SLAIN1: variants seen among roughly 807,000 people sequenced by gnomAD.
SLAIN1 encodes the protein SLAIN family member 1, also known as SLAIN motif-containing protein 1.
A neutral mutation model predicts 55.4 loss-of-function variants in SLAIN1; 17 were observed. That is an observed-to-expected ratio of 0.31 (90% CI 0.21 to 0.46). The LOEUF is 0.46. Ranked by LOEUF, SLAIN1 falls within the 20% of genes least tolerant of loss-of-function variation. The pLI, the probability that SLAIN1 is intolerant of heterozygous loss-of-function variation, is 1.00. For synonymous variants in SLAIN1, 348 were observed against 337.4 expected (o/e 1.03, Z -0.35); for missense variants, 682 against 785.1 (o/e 0.87, Z 1.57).
At position 77,746,456 on chromosome 13, in the gene SLAIN1, TTATAAC is replaced by T. The variant is rs1873818321; in HGVS notation, c.917-55_917-50del. The T allele has an allele frequency of 4.2e-6, 6 of 1,414,240 alleles. No individual in the cohort carries two copies. The Admixed American group carries it at 6.6e-5, about 16-fold the overall frequency. 87.6% of individuals were successfully genotyped at this position (1,414,240 alleles called of 1,614,324 possible). A position where few individuals can be genotyped will look rare whatever the true frequency, so the allele number is the denominator to read the frequency against. ...AATTTTTCATCTAATACTTGGTTAATTATAACTAAATGTTAGCTAGATCAAAATACA... is the reference window on the plus strand; with the variant it reads ...AATTTTTCATCTAATACTTGGTTAATTAAATGTTAGCTAGATCAAAATACA... On this transcript the variant is annotated intron_variant, in intron 3 of 6. Transcript: ENST00000418532.
chr13:77,718,795 C>G (rs1005483802), intron 1 of SLAIN1, among the ~76,000 whole-genome samples: 16 of 152,046 alleles, frequency 1.1e-4, no homozygotes, highest in Non-Finnish European at 1.9e-4. Flanking sequence ...CTGTATAGCC[C>G]TATCACTGAA....
chr13:77,710,423 A>G (rs1462622658), intron 1 of SLAIN1, among the ~76,000 whole-genome samples: 1 of 152,188 alleles, frequency 6.6e-6, no homozygotes, highest in Non-Finnish European at 1.5e-5. Flanking sequence ...AACAAAACAA[A>G]AAAACATGGG....
rs751239266 is a variant in SLAIN1, at chr13:77,736,700, T to C, written c.767-7583T>C. On this transcript the variant is annotated intron_variant, in intron 2 of 6. Coordinates refer to ENST00000418532, the MANE Select transcript of SLAIN1 (RefSeq NM_001242868.2). ...TCAGTGGCCTGGTTGTTCTAGCCAG[T>C]AGCCTCTTTTTAGTCCTTATCCTAC... Among the ~76,000 whole-genome samples, 12 of 152,252 alleles carry C rather than the reference T, an allele frequency of 7.9e-5. No homozygotes were observed. In the Middle Eastern group the frequency reaches 0.02, roughly 259 times the overall value.
intron 5 of SLAIN1, among the ~76,000 whole-genome samples, chr13:77,760,376 A>C (rs1053325303): frequency 2.0e-5 from 3 of 152,200 alleles, no homozygotes; most frequent in African/African-American, 7.2e-5. Flanking sequence ...TATTTAAGGA[A>C]TATATCTGTA....
In SLAIN1 at chr13:77,698,817, T is replaced by G. The variant is rs376955917; in HGVS notation, c.626+278T>G. The stretch of plus-strand genomic sequence containing the variant: ...GCCATGGGTTCTGCTATTTGCTGAT[T>G]GTTGGGTCCCAAGCTCCTCGTTAGC... On this transcript the variant is annotated intron_variant, in intron 1 of 6. Transcript: ENST00000418532. This position sits in a 1 kb window ranked among gnomAD's most constrained non-coding sequence, Gnocchi z 4.1. 59 of 1,429,578 alleles carry G rather than the reference T, an allele frequency of 4.1e-5. No homozygotes were observed. The South Asian group carries it at 7.1e-4, about 17-fold the overall frequency. 88.6% of individuals were successfully genotyped at this position (1,429,578 alleles called of 1,614,324 possible).
At chr13:77,736,540 A>AAAC (rs529220062) in intron 2 of SLAIN1, among the ~76,000 whole-genome samples, 37 of 152,072 alleles carry the variant, frequency 2.4e-4, no homozygotes, top group East Asian at 9.7e-4. Flanking sequence ...CTCTTTTTTT[A>AAAC]AACAACAACA....
intron 4 of SLAIN1, among the ~76,000 whole-genome samples, chr13:77,747,582 C>A (rs1432129282): frequency 6.6e-6 from 1 of 152,124 alleles, no homozygotes; most frequent in Non-Finnish European, 1.5e-5. Flanking sequence ...GTTCCTAGCA[C>A]AGAGTGAGGT....
chr13:77,709,016 A>G (rs944353505), intron 1 of SLAIN1, among the ~76,000 whole-genome samples: 2 of 152,036 alleles, frequency 1.3e-5, no homozygotes, highest in Admixed American at 1.3e-4. Flanking sequence ...AAGAACTTTG[A>G]AAAAAGGTTG....
rs997664410 is a variant in SLAIN1 at position 77,698,620 on chromosome 13, G to A, written c.626+81G>A. 1 of 1,320,686 alleles carries A rather than the reference G, an allele frequency of 7.6e-7. No homozygotes were observed. Among genetic ancestry groups the A allele is most frequent in the Admixed American group, 3.7e-5 (1 of 26,672 alleles). 81.8% of individuals were successfully genotyped at this position (1,320,686 alleles called of 1,614,324 possible). On this transcript the variant is annotated intron_variant, in intron 1 of 6. Transcript: ENST00000418532. This position sits in a 1 kb window ranked among gnomAD's most constrained non-coding sequence, Gnocchi z 4.1. ...CGGGGAGCGGGGGCGGGGGGCGGAC[G>A]GGGGTCCCCTCGCGGCAGCCGGGGT...
rs1391438374 is a variant in SLAIN1 at position 77,698,415 on chromosome 13, G to T, written c.502G>T (p.Gly168Cys). The stretch of plus-strand genomic sequence containing the variant: ...GGGCGGTGGCGGGCCGGAGCCGGGG[G>T]GCGCGGGGACGCCGCCAGGGGCAGC... ...GAGGGGPEPG[G>C]AGTPPGAAAA... Residue 168 changes from glycine (G) to cysteine (C), a missense_variant, in exon 1 of 7, where the codon GGC becomes TGC. By Grantham distance (159) the Gly-to-Cys change is radical. Around this residue, in one of 3 missense-constraint regions of SLAIN1, gnomAD observed 401 missense variants for 417.3 expected, o/e 0.96. Transcript: ENST00000418532. This position sits in a 1 kb window ranked among gnomAD's most constrained non-coding sequence, Gnocchi z 4.1. 5 of 1,394,982 alleles carry T rather than the reference G, an allele frequency of 3.6e-6. No individual in the cohort carries two copies. The African/African-American group carries it at 6.0e-5, about 17-fold the overall frequency. 86.4% of individuals were successfully genotyped at this position (1,394,982 alleles called of 1,614,324 possible).
At chr13:77,721,630 A>G (rs2091263183) in intron 2 of SLAIN1, among the ~76,000 whole-genome samples, 1 of 151,906 alleles carries the variant, frequency 6.6e-6, no homozygotes, top group African/African-American at 2.4e-5. Flanking sequence ...AATATTTTAG[A>G]TTTTGTGGGC....
At chr13:77,734,702 T>A (rs1014785830) in intron 2 of SLAIN1, among the ~76,000 whole-genome samples, 2 of 152,154 alleles carry the variant, frequency 1.3e-5, no homozygotes, top group African/African-American at 4.8e-5. Flanking sequence ...TTCTCCTACC[T>A]AGCTTCTAGA....
intron 5 of SLAIN1, among the ~76,000 whole-genome samples, chr13:77,755,536 G>A (rs1874537704): frequency 6.6e-6 from 1 of 152,182 alleles, no homozygotes; most frequent in Admixed American, 6.5e-5. Context: ...CCAAAATGAC[G>A]GGAAAATGTC....
Position 77,697,856 on chromosome 13 carries a change from G to A in SLAIN1, c.-58G>A. 4 of 1,263,710 alleles carry A rather than the reference G, an allele frequency of 3.2e-6. No homozygotes were observed. Among genetic ancestry groups the A allele is most frequent in the South Asian group, 2.1e-5 (1 of 47,088 alleles). The allele number at this position is 1,263,710 out of a possible 1,614,324, so 78.3% of individuals were successfully genotyped here. ...AGGAGCCGTAGCCTCCCCGTGGCCC[G>A]AGGAGCCGGCGCGGCGGCGCGCACT... On this transcript the variant is annotated 5_prime_UTR_variant, in exon 1 of 7. Coordinates refer to ENST00000418532, the MANE Select transcript of SLAIN1 (RefSeq NM_001242868.2).
chr13:77,762,859 T>C (rs1389489473), intron 6 of SLAIN1, among the ~76,000 whole-genome samples: 2 of 152,256 alleles, frequency 1.3e-5, no homozygotes, highest in Non-Finnish European at 2.9e-5. Context: ...ATTTTTCTTA[T>C]TTTAAAATAT....
At chr13:77,748,693 C>T (rs892744517) in intron 4 of SLAIN1, among the ~76,000 whole-genome samples, 3 of 152,016 alleles carry the variant, frequency 2.0e-5, no homozygotes, top group Non-Finnish European at 4.4e-5. Context: ...CTAGTTTTCA[C>T]AATACAAGAA....
intron 5 of SLAIN1, among the ~76,000 whole-genome samples, chr13:77,760,119 G>T (rs779699026): frequency 4.6e-5 from 7 of 152,126 alleles, no homozygotes; most frequent in Non-Finnish European, 1.0e-4. Flanking sequence ...GCAGAATTCT[G>T]TGCATAAGTT....
chr13:77,707,651 G>A (rs2091103999), intron 1 of SLAIN1, among the ~76,000 whole-genome samples: 1 of 152,074 alleles, frequency 6.6e-6, no homozygotes, highest in South Asian at 2.1e-4. Context: ...GCATCTCTAG[G>A]TCTTCTCTTG....
chr13:77,760,847 T>G lies in SLAIN1; in HGVS notation c.1434T>G (p.Leu478=). The G allele has an allele frequency of 2.5e-6, 4 of 1,613,796 alleles. No homozygotes were observed. The highest frequency in any genetic ancestry group is 3.4e-6 in the Non-Finnish European group (4 of 1,179,956). The part of the protein sequence containing the change: ...IQSCIPSPGQ[L]QHRVHSVGHF... ...TTCTAGTTCCATCACCGGGACAGCTTCAACACAGGGTCCACAGCGTGGGGC... is the reference window on the plus strand; with the variant it reads ...TTCTAGTTCCATCACCGGGACAGCTGCAACACAGGGTCCACAGCGTGGGGC... Residue 478 remains leucine, a synonymous_variant, in exon 6 of 7, where the codon CTT becomes CTG. Transcript: ENST00000418532.
Sources: gnomAD v4.1 joint callset for allele counts (sites outside exome capture counted in the v4.1 genomes callset) on GRCh38, gnomAD v4.1.1 for gene constraint, gnomAD v4.1.1 regional missense constraint, Gnocchi (gnomAD v3.1) non-coding constraint, MANE v1.5 for transcripts, NCBI Gene and HGNC (gene_info 2026-07-23, HGNC 2026-07-21) for gene names.